RUSC2: variants seen among roughly 807,000 people sequenced by gnomAD.
RUSC2 encodes the protein RUN and SH3 domain containing 2, also known as AP-4 complex accessory subunit RUSC2.
Under a neutral mutation model 122.2 loss-of-function variants are expected in RUSC2, and 34 were observed. The observed-to-expected ratio is 0.28, with a 90% CI of 0.21 to 0.37. RUSC2 has a LOEUF of 0.37. RUSC2 is among the 10% of genes least tolerant of loss of function. The pLI is 1.00. For missense variants in RUSC2, 1,747 were observed against 1,952.4 expected (o/e 0.89, Z 1.98); for synonymous variants, 784 against 790.0 (o/e 0.99, Z 0.13).
intron 1 of RUSC2, among the ~76,000 whole-genome samples, chr9:35,518,917 G>T (rs1471961300): frequency 1.3e-5 from 2 of 152,122 alleles, no homozygotes; most frequent in African/African-American, 2.4e-5. Context: ...TTATTCAGAT[G>T]ATTTCAATGC....
intron 1 of RUSC2, among the ~76,000 whole-genome samples, chr9:35,492,331 T>G (rs1820583767): frequency 6.6e-6 from 1 of 152,142 alleles, no homozygotes; most frequent in South Asian, 2.1e-4. Context: ...AACTCACCCT[T>G]TTCTTCCTGT....
chr9:35,504,657 G>T (rs1820879557), intron 1 of RUSC2, among the ~76,000 whole-genome samples: 1 of 152,014 alleles, frequency 6.6e-6, no homozygotes, highest in East Asian at 1.9e-4. Flanking sequence ...TAGAGACAGG[G>T]TTTCACCACG....
intron 1 of RUSC2, among the ~76,000 whole-genome samples, chr9:35,511,286 G>C (rs185697877): frequency 1.3e-5 from 2 of 152,310 alleles, no homozygotes; most frequent in East Asian, 3.9e-4. Flanking sequence ...GGGAGAAAAG[G>C]AGGGCAGGAT....
chr9:35,490,380 C>T (rs145199549), intron 1 of RUSC2, among the ~76,000 whole-genome samples: 5 of 152,186 alleles, frequency 3.3e-5, no homozygotes, highest in Admixed American at 6.5e-5. Context: ...TGACCCTTGG[C>T]CTTCTCCTGA....
At chr9:35,510,836 G>A (rs915487476) in intron 1 of RUSC2, among the ~76,000 whole-genome samples, 1 of 152,224 alleles carries the variant, frequency 6.6e-6, no homozygotes, top group African/African-American at 2.4e-5. Context: ...GATGCCAGAT[G>A]GGCTGTGTTT....
At position 35,548,658 on chromosome 9, in the gene RUSC2, C is replaced by A; in HGVS notation, c.2014+123C>A. Reference sequence around the variant, plus strand: ...CCACTAGAGGTTCCACATCCTAGATCTGTTATCCTTCTAGGCCAGGGCAGG... The same window carrying A: ...CCACTAGAGGTTCCACATCCTAGATATGTTATCCTTCTAGGCCAGGGCAGG... On this transcript the variant is annotated intron_variant, in intron 2 of 11. Coordinates refer to ENST00000361226, the MANE Select transcript of RUSC2 (RefSeq NM_014806.5). The surrounding 1 kb of genome is among the most constrained non-coding windows in gnomAD (Gnocchi z 4.5). The A allele has an allele frequency of 7.0e-7, 1 of 1,432,996 alleles. No individual in the cohort carries two copies. Among genetic ancestry groups the A allele is most frequent in the Non-Finnish European group, 9.1e-7 (1 of 1,096,830 alleles). 88.8% of individuals were successfully genotyped at this position (1,432,996 alleles called of 1,614,324 possible). A position where few individuals can be genotyped will look rare whatever the true frequency, so the allele number is the denominator to read the frequency against.
At chr9:35,552,057 G>A (rs1339557924) in intron 2 of RUSC2, among the ~76,000 whole-genome samples, 1 of 150,590 alleles carries the variant, frequency 6.6e-6, no homozygotes, top group African/African-American at 2.4e-5. Flanking sequence ...GTGAGATCCT[G>A]TCTCTAAAAA....
chr9:35,550,279 C>T (rs1430090149), intron 2 of RUSC2, among the ~76,000 whole-genome samples: 2 of 151,816 alleles, frequency 1.3e-5, no homozygotes, highest in Non-Finnish European at 2.9e-5. Flanking sequence ...GGGTGTCTTC[C>T]TGAAGTCAGG....
chr9:35,504,615 G>A (rs887857599), intron 1 of RUSC2, among the ~76,000 whole-genome samples: 4 of 151,912 alleles, frequency 2.6e-5, no homozygotes, highest in Admixed American at 6.6e-5. Flanking sequence ...ACAGGTGTGC[G>A]CCACCACGCC....
Position 35,517,339 on chromosome 9 carries a change from G to C in RUSC2, c.-93+27167G>C, listed in dbSNP as rs144879260. Among the ~76,000 whole-genome samples, 48 of 152,290 alleles carry C rather than the reference G, an allele frequency of 3.2e-4. No homozygotes were observed. In the South Asian group the frequency reaches 9.1e-3, roughly 29 times the overall value. On this transcript the variant is annotated intron_variant, in intron 1 of 11. Coordinates refer to ENST00000361226, the MANE Select transcript of RUSC2 (RefSeq NM_014806.5). ...GATCGCTGGGCTAGAAAGACTGAAGGCTTGTGTTAGGTTTAGAATACAGTA... is the reference window on the plus strand; with the variant it reads ...GATCGCTGGGCTAGAAAGACTGAAGCCTTGTGTTAGGTTTAGAATACAGTA...
chr9:35,536,344 C>G (rs1467151924), intron 1 of RUSC2, among the ~76,000 whole-genome samples: 2 of 152,218 alleles, frequency 1.3e-5, no homozygotes, highest in Non-Finnish European at 2.9e-5. Context: ...CTGGGGTAAT[C>G]AGAGAAGACT....
At chr9:35,491,627 T>A (rs1039489753) in intron 1 of RUSC2, among the ~76,000 whole-genome samples, 2 of 152,216 alleles carry the variant, frequency 1.3e-5, no homozygotes, top group African/African-American at 4.8e-5. Context: ...TTCCGCTTTC[T>A]GTCTCCCACC....
chr9:35,556,010 A>C lies in RUSC2; in HGVS notation c.2715A>C (p.Leu905=), dbSNP rs745612614. Residue 905 remains leucine, a synonymous_variant, in exon 4 of 12, where the codon CTA becomes CTC. Coordinates refer to ENST00000361226, the MANE Select transcript of RUSC2 (RefSeq NM_014806.5). ...GGGAATACAGGAGGAAGAACCCACT[A>C]GGGCCACCTGGTTTGTCAGGGAGCC... ...KWREYRRKNP[L]GPPGLSGSLD... is the part of the protein sequence containing the mutation. The C allele has an allele frequency of 6.2e-7, 1 of 1,614,204 alleles. No homozygotes were observed. The highest frequency in any genetic ancestry group is 1.1e-5 in the South Asian group (1 of 91,082).
chr9:35,549,365 C>T, intron 2 of RUSC2: 1 of 246,780 alleles, frequency 4.1e-6, no homozygotes, highest in South Asian at 1.5e-4. Flanking sequence ...CCTCCCTAGG[C>T]CAGCTCTTTC....
intron 1 of RUSC2, among the ~76,000 whole-genome samples, chr9:35,505,959 C>G (rs572868089): frequency 7.0e-4 from 106 of 152,274 alleles, no homozygotes; most frequent in Admixed American, 2.8e-3. Context: ...CTCAACACTT[C>G]TATTCAATAT....
At chr9:35,490,783 T>A (rs1820551169) in intron 1 of RUSC2, among the ~76,000 whole-genome samples, 1 of 152,190 alleles carries the variant, frequency 6.6e-6, no homozygotes, top group Non-Finnish European at 1.5e-5. Context: ...CCCCTACTAC[T>A]GCACTCACTT....
chr9:35,494,536 T>C lies in RUSC2; in HGVS notation c.-93+4364T>C, dbSNP rs577206073. Among the ~76,000 whole-genome samples, 4 of 152,310 alleles carry C rather than the reference T, an allele frequency of 2.6e-5. No homozygotes were observed. The East Asian group carries it at 7.7e-4, about 29-fold the overall frequency. On this transcript the variant is annotated intron_variant, in intron 1 of 11. Transcript: ENST00000361226. ...CTCATGATTTTGATTCATATTTCTC[T>C]AATGAAAAGATATCGAGCATTTTTT...
chr9:35,534,592 G>A (rs908960335), intron 1 of RUSC2, among the ~76,000 whole-genome samples: 10 of 152,162 alleles, frequency 6.6e-5, no homozygotes, highest in African/African-American at 2.4e-4. Context: ...AGCACCTCTT[G>A]TGCCTTAGCC....
At chr9:35,503,512 G>A (rs758278949) in intron 1 of RUSC2, among the ~76,000 whole-genome samples, 8 of 152,126 alleles carry the variant, frequency 5.3e-5, no homozygotes, top group Non-Finnish European at 1.2e-4. Flanking sequence ...TTGGTTGATG[G>A]GCATGTAGGT....
Sources: gnomAD v4.1 joint callset for allele counts (sites outside exome capture counted in the v4.1 genomes callset) on GRCh38, gnomAD v4.1.1 for gene constraint, Gnocchi (gnomAD v3.1) non-coding constraint, MANE v1.5 for transcripts, NCBI Gene and HGNC (gene_info 2026-07-23, HGNC 2026-07-21) for gene names.